The following PCDH9 variants were observed in gnomAD, a reference collection of about 807,000 sequenced individuals.
The protein encoded by PCDH9 is protocadherin 9.
Under a neutral mutation model 70.6 loss-of-function variants are expected in PCDH9, and 24 were observed. That is an observed-to-expected ratio of 0.34 (90% confidence interval 0.25 to 0.48). The LOEUF (loss-of-function observed/expected upper bound fraction) is 0.48, where lower values mean the gene tolerates loss of function less well. Among genes scored for constraint, PCDH9 ranks in the 20% least tolerant of loss-of-function variants. The pLI is 0.99. For missense variants in PCDH9, 1,281 were observed against 1,503.6 expected, an observed-to-expected ratio of 0.85 and a Z score of 2.45; for synonymous variants, 562 against 558.5, an observed-to-expected ratio of 1.01 and a Z score of -0.09.
intron 2 of PCDH9, among the ~76,000 whole-genome samples, chr13:67,172,365 T>C (rs1285739994): frequency 6.6e-6 from 1 of 152,142 alleles, no homozygotes; most frequent in Non-Finnish European, 1.5e-5. Flanking sequence ...TCTATGCCCT[T>C]TCTATAGAAA....
intron 2 of PCDH9, among the ~76,000 whole-genome samples, chr13:67,167,769 C>T (rs1207399687): frequency 1.3e-5 from 2 of 152,098 alleles, no homozygotes; most frequent in African/African-American, 4.8e-5. Flanking sequence ...TATGATTCCA[C>T]CGTGGAACTA....
chr13:66,606,817 G>A (rs1392323031), intron 4 of PCDH9, among the ~76,000 whole-genome samples: 2 of 151,836 alleles, frequency 1.3e-5, no homozygotes, highest in African/African-American at 4.8e-5. Flanking sequence ...TGAAGCTTAA[G>A]TGTTAATACC....
At chr13:66,943,988 G>T (rs1391618005) in intron 2 of PCDH9, among the ~76,000 whole-genome samples, 4 of 151,548 alleles carry the variant, frequency 2.6e-5, no homozygotes, top group African/African-American at 7.3e-5. Flanking sequence ...CTCAGTGGCA[G>T]ATTTGAATAA....
At chr13:66,371,318 A>G (rs149662857) in intron 4 of PCDH9, among the ~76,000 whole-genome samples, 196 of 152,178 alleles carry the variant, frequency 1.3e-3, no homozygotes, top group African/African-American at 4.6e-3. Context: ...CCTGCCTTTA[A>G]TACATGATAT....
At position 67,227,865 on chromosome 13, in the gene PCDH9, G is replaced by T. The variant is rs138108492; in HGVS notation, c.576C>A (p.Ile192=). 118 of 1,613,838 alleles carry T rather than the reference G, an allele frequency of 7.3e-5. No homozygotes were observed. The African/African-American group carries it at 1.3e-3, about 17-fold the overall frequency. ...ACTTCTCTCCCTCTGGAGTTTCCAC[G>T]ATATCCAGTCCAAAAACACTCTGCC... The part of the protein sequence containing the change: ...LNGQSVFGLD[I]VETPEGEKWP... The change falls in exon 2 of 5, where the codon ATC becomes ATA. Residue 192 remains isoleucine (I), a synonymous_variant. Coordinates refer to ENST00000377865, the MANE Select transcript of PCDH9 (RefSeq NM_203487.3). The surrounding 1 kb of genome is among the most constrained non-coding windows in gnomAD (Gnocchi z 4.6).
intron 2 of PCDH9, among the ~76,000 whole-genome samples, chr13:66,928,658 C>T (rs1202296028): frequency 2.0e-5 from 3 of 151,990 alleles, no homozygotes; most frequent in Non-Finnish European, 4.4e-5. Context: ...ATGTTTGCCC[C>T]TTCTACTATG....
At chr13:66,559,672 TGCCTGTAGTC>T (rs1961908234) in intron 4 of PCDH9, among the ~76,000 whole-genome samples, 1 of 150,728 alleles carries the variant, frequency 6.6e-6, no homozygotes, top group African/African-American at 2.4e-5. Flanking sequence ...TGGTGGCGGG[TGCCTGTAGTC>T]CCAGCTTCTC....
intron 3 of PCDH9, among the ~76,000 whole-genome samples, chr13:66,707,909 T>C (rs867738920): frequency 7.2e-5 from 11 of 152,232 alleles, no homozygotes; most frequent in African/African-American, 2.7e-4. Context: ...TTTGCTTGTT[T>C]ATCTTCACAC....
At chr13:67,077,388 C>T (rs1398017254) in intron 2 of PCDH9, among the ~76,000 whole-genome samples, 2 of 152,042 alleles carry the variant, frequency 1.3e-5, no homozygotes, top group Admixed American at 1.3e-4. Context: ...GTTTTTCAAC[C>T]ATCATTTTGC....
intron 4 of PCDH9, among the ~76,000 whole-genome samples, chr13:66,343,238 G>C (rs1272392783): frequency 6.6e-6 from 1 of 152,112 alleles, no homozygotes; most frequent in Non-Finnish European, 1.5e-5. Context: ...AAATTGAGTG[G>C]CTTAAGAACA....
In PCDH9 at chr13:66,710,840, G is replaced by A. The variant is rs1266005589; in HGVS notation, c.3139-79429C>T. Reference sequence around the variant, plus strand: ...CTCAACATTCAAATCCAGCAAGGTCGCATCTCTTAACCATCCTTCCATAGC... The same window carrying A: ...CTCAACATTCAAATCCAGCAAGGTCACATCTCTTAACCATCCTTCCATAGC... On this transcript the variant is annotated intron_variant, in intron 3 of 4. Transcript: ENST00000377865. 3.3e-5 allele frequency among the ~76,000 whole-genome samples: 5 copies of A among 151,956 alleles called. 1 individual carries two copies. The East Asian group carries it at 7.7e-4, about 23-fold the overall frequency.
chr13:66,968,076 C>T (rs1176973628), intron 2 of PCDH9, among the ~76,000 whole-genome samples: 2 of 152,020 alleles, frequency 1.3e-5, no homozygotes, highest in African/African-American at 4.8e-5. Flanking sequence ...TACAGAAAAT[C>T]CAAATTTACC....
intron 4 of PCDH9, among the ~76,000 whole-genome samples, chr13:66,597,375 A>G (rs1476059761): frequency 6.6e-6 from 1 of 151,914 alleles, no homozygotes; most frequent in Non-Finnish European, 1.5e-5. Flanking sequence ...ACTGGCATAA[A>G]GACAGACATA....
At chr13:66,659,831 T>C (rs1371296593) in intron 3 of PCDH9, among the ~76,000 whole-genome samples, 1 of 152,092 alleles carries the variant, frequency 6.6e-6, no homozygotes, top group Non-Finnish European at 1.5e-5. Context: ...AGCTTATTTT[T>C]AGCTAGGACT....
intron 4 of PCDH9, among the ~76,000 whole-genome samples, chr13:66,351,577 A>G (rs1956291780): frequency 6.6e-6 from 1 of 152,150 alleles, no homozygotes; most frequent in Non-Finnish European, 1.5e-5. Context: ...TTGAGTGACT[A>G]TTTTGTACCA....
chr13:67,027,727 A>C (rs1246235004), intron 2 of PCDH9, among the ~76,000 whole-genome samples: 5 of 151,084 alleles, frequency 3.3e-5, no homozygotes, highest in Admixed American at 3.3e-4. Flanking sequence ...TACAAGAAAA[A>C]AACAAACAAC....
intron 4 of PCDH9, among the ~76,000 whole-genome samples, chr13:66,373,968 T>C (rs1158621881): frequency 6.6e-6 from 1 of 152,118 alleles, no homozygotes; most frequent in African/African-American, 2.4e-5. Context: ...ATTAGTGTTT[T>C]GCGTACAAGA....
At chr13:66,740,677 G>A (rs2079248257) in intron 3 of PCDH9, among the ~76,000 whole-genome samples, 2 of 151,592 alleles carry the variant, frequency 1.3e-5, no homozygotes, top group Non-Finnish European at 3.0e-5. Flanking sequence ...TGATCCCACA[G>A]AAATACAAAC....
chr13:66,880,656 T>G (rs2081906180), intron 3 of PCDH9, among the ~76,000 whole-genome samples: 1 of 152,224 alleles, frequency 6.6e-6, no homozygotes, highest in Non-Finnish European at 1.5e-5. Context: ...TCTCAAGGTC[T>G]GACTCCCTTC....
Sources: allele counts gnomAD v4.1 joint callset (sites outside exome capture counted in the v4.1 genomes callset), GRCh38; gene constraint gnomAD v4.1.1; non-coding constraint Gnocchi (gnomAD v3.1); transcripts MANE v1.5; gene names NCBI Gene and HGNC (gene_info 2026-07-23, HGNC 2026-07-21).